Variants in KCNQ5 observed in about 807,000 individuals in gnomAD.
KCNQ5 encodes potassium voltage-gated channel subfamily Q member 5.
In KCNQ5, 30 loss-of-function variants were observed where a neutral mutation model predicts 98.2. That is an observed-to-expected ratio of 0.31 (90% CI 0.23 to 0.41). KCNQ5 has a LOEUF of 0.41. KCNQ5 is among the 10% of genes least tolerant of loss of function. The pLI, the probability that KCNQ5 is intolerant of heterozygous loss-of-function variation, is 1.00. For missense variants in KCNQ5, 835 were observed against 1,182.5 expected (o/e 0.71, Z 4.31); for synonymous variants, 458 against 449.4 (o/e 1.02, Z -0.24).
intron 1 of KCNQ5, among the ~76,000 whole-genome samples, chr6:72,855,622 GA>G (rs1199413451): frequency 6.6e-6 from 1 of 152,152 alleles, no homozygotes; most frequent in Non-Finnish European, 1.5e-5. Context: ...ATGTAGTTTG[GA>G]AAGGCACTCG....
At chr6:72,944,168 A>G (rs12202465) in intron 1 of KCNQ5, among the ~76,000 whole-genome samples, 15,478 of 152,258 alleles carry the variant, frequency 0.1, 923 homozygotes, top group East Asian at 0.25. Flanking sequence ...TAAATATTCA[A>G]TGAGCATTCA....
chr6:72,941,881 A>G (rs981257628), intron 1 of KCNQ5, among the ~76,000 whole-genome samples: 65 of 152,218 alleles, frequency 4.3e-4, no homozygotes, highest in Non-Finnish European at 4.7e-4. Flanking sequence ...AAAGTTATTC[A>G]TCAGATTACC....
intron 1 of KCNQ5, among the ~76,000 whole-genome samples, chr6:72,809,817 A>T (rs1043081271): frequency 2.0e-5 from 3 of 152,208 alleles, no homozygotes; most frequent in African/African-American, 7.2e-5. Context: ...TAAAGTTCAC[A>T]GATGTGCCCT....
At chr6:72,839,058 A>ACT (rs1489441434) in intron 1 of KCNQ5, among the ~76,000 whole-genome samples, 1 of 151,744 alleles carries the variant, frequency 6.6e-6, no homozygotes, top group African/African-American at 2.4e-5. Flanking sequence ...TTTACATAGG[A>ACT]CTGAGTCCAA....
chr6:72,927,506 A>G (rs1026065996), intron 1 of KCNQ5, among the ~76,000 whole-genome samples: 57 of 152,138 alleles, frequency 3.7e-4, no homozygotes, highest in African/African-American at 1.4e-3. Context: ...CTAGGTGACA[A>G]TGAGACAAAC....
intron 11 of KCNQ5, among the ~76,000 whole-genome samples, chr6:73,175,906 G>T (rs934425820): frequency 1.3e-5 from 2 of 152,172 alleles, no homozygotes; most frequent in African/African-American, 4.8e-5. Context: ...GAAGAAATCT[G>T]GTAGATATGT....
chr6:73,048,999 G>C (rs950825586), intron 3 of KCNQ5, among the ~76,000 whole-genome samples: 1 of 152,148 alleles, frequency 6.6e-6, no homozygotes, highest in Non-Finnish European at 1.5e-5. Context: ...ATCTGAAACT[G>C]TATGATCAAT....
At chr6:73,043,002 T>G (rs76572837) in intron 3 of KCNQ5, 1,790 of 177,232 alleles carry the variant, frequency 0.01, 33 homozygotes, top group African/African-American at 0.04. Context: ...AAAAAGTAGG[T>G]TTTTAATTTA....
chr6:73,039,022 G>A (rs772764323), intron 2 of KCNQ5, among the ~76,000 whole-genome samples: 9 of 152,026 alleles, frequency 5.9e-5, no homozygotes, highest in East Asian at 5.8e-4. Flanking sequence ...TTGCTTTAGC[G>A]GTTATAGGGC....
In KCNQ5 at chr6:73,046,611, C is replaced by T. The variant is rs147886560; in HGVS notation, c.616+4549C>T. Among the ~76,000 whole-genome samples, 273 of 128,320 alleles carry T rather than the reference C, an allele frequency of 2.1e-3. 2 individuals carry two copies. The highest frequency in any genetic ancestry group is 6.8e-3 in the African/African-American group (226 of 33,414). The allele number at this position is 128,320 out of a possible 152,430, so 84.2% of individuals were successfully genotyped here. A position where few individuals can be genotyped will look rare whatever the true frequency, so the allele number is the denominator to read the frequency against. On this transcript the variant is annotated intron_variant, in intron 3 of 13. Transcript: ENST00000370398. Reference sequence around the variant, plus strand: ...TTATTTTACTTTACTTTATTTTATTCTATTTTATTTTATTTTATTTTATTT... The same window carrying T: ...TTATTTTACTTTACTTTATTTTATTTTATTTTATTTTATTTTATTTTATTT...
chr6:72,936,495 T>C (rs1765923182), intron 1 of KCNQ5, among the ~76,000 whole-genome samples: 1 of 152,188 alleles, frequency 6.6e-6, no homozygotes, highest in African/African-American at 2.4e-5. Flanking sequence ...ATTAAACACT[T>C]CAACTTTAAC....
intron 1 of KCNQ5, among the ~76,000 whole-genome samples, chr6:72,898,589 GCT>G (rs1214378777): frequency 6.6e-6 from 1 of 152,132 alleles, no homozygotes; most frequent in Admixed American, 6.5e-5. Flanking sequence ...GAACATTTGG[GCT>G]GGTTCCATGT....
chr6:72,822,160 C>T (rs1467240487), intron 1 of KCNQ5, among the ~76,000 whole-genome samples: 1 of 152,098 alleles, frequency 6.6e-6, no homozygotes, highest in Admixed American at 6.6e-5. Context: ...CTTCTGTGAC[C>T]AGCTGCAGAG....
chr6:72,984,553 T>C (rs1768654571), intron 1 of KCNQ5, among the ~76,000 whole-genome samples: 1 of 152,250 alleles, frequency 6.6e-6, no homozygotes, highest in Non-Finnish European at 1.5e-5. Context: ...TGCTGTTTGC[T>C]AAGACCATTG....
At chr6:73,001,613 G>A (rs1156647762) in intron 1 of KCNQ5, among the ~76,000 whole-genome samples, 2 of 152,156 alleles carry the variant, frequency 1.3e-5, no homozygotes, top group African/African-American at 4.8e-5. Flanking sequence ...ACTTGGTGGG[G>A]AAAGGGAGGG....
intron 3 of KCNQ5, among the ~76,000 whole-genome samples, chr6:73,057,460 C>T (rs1772571491): frequency 6.6e-6 from 1 of 151,586 alleles, no homozygotes; most frequent in African/African-American, 2.4e-5. Context: ...GCACATGTAC[C>T]TTAGAACTTA....
intron 1 of KCNQ5, among the ~76,000 whole-genome samples, chr6:72,666,132 G>A (rs528941666): frequency 5.3e-5 from 8 of 152,240 alleles, no homozygotes; most frequent in South Asian, 2.1e-4. Flanking sequence ...AGTAGAAGAC[G>A]TCAATCTTAA....
At chr6:72,738,266 C>T (rs963977102) in intron 1 of KCNQ5, among the ~76,000 whole-genome samples, 3 of 152,120 alleles carry the variant, frequency 2.0e-5, no homozygotes, top group South Asian at 2.1e-4. Context: ...TGACTTTCCA[C>T]GTTTCTCAGA....
rs191238108 is a variant in KCNQ5 at position 72,713,770 on chromosome 6, C to T, written c.398+91183C>T. 6.6e-5 allele frequency among the ~76,000 whole-genome samples: 10 copies of T among 152,294 alleles called. No individual in the cohort carries two copies. The East Asian group carries it at 1.9e-3, about 29-fold the overall frequency. On this transcript the variant is annotated intron_variant, in intron 1 of 13. Transcript: ENST00000370398. ...GAGACTAGACAGGCTTATGTCACTG[C>T]CCTTCTCAGGCTTCTCCTTTACAGT...
Sources: allele counts gnomAD v4.1 joint callset (sites outside exome capture counted in the v4.1 genomes callset), GRCh38; gene constraint gnomAD v4.1.1; transcripts MANE v1.5; gene names NCBI Gene and HGNC (gene_info 2026-07-23, HGNC 2026-07-21).